Variants in VWA8 observed in about 807,000 individuals in gnomAD.
The protein encoded by VWA8 is von Willebrand factor A domain-containing protein 8.
A neutral mutation model predicts 241.5 loss-of-function variants in VWA8; 221 were observed. The observed-to-expected ratio is 0.91, with a 90% CI of 0.82 to 1.02. The LOEUF is 1.02. Ranked by LOEUF, VWA8 falls within the 50% of genes least tolerant of loss-of-function variation. The pLI is 0.00. For missense variants in VWA8, 2,322 were observed against 2,328.7 expected, an observed-to-expected ratio of 1.00 and a Z score of 0.06; for synonymous variants, 852 against 827.1, an observed-to-expected ratio of 1.03 and a Z score of -0.52.
intron 19 of VWA8, among the ~76,000 whole-genome samples, chr13:41,778,918 T>A (rs866219692): frequency 7.3e-6 from 1 of 136,674 alleles, no homozygotes; most frequent in African/African-American, 2.7e-5. Flanking sequence ...CTCGGCTCAC[T>A]GCAAGCTCCG....
intron 21 of VWA8, among the ~76,000 whole-genome samples, chr13:41,736,314 C>G (rs2045524429): frequency 6.6e-6 from 1 of 152,130 alleles, no homozygotes; most frequent in Non-Finnish European, 1.5e-5. Context: ...GTACTAAACT[C>G]TATTCTTAAC....
chr13:41,851,127 C>G (rs542672486), intron 12 of VWA8, among the ~76,000 whole-genome samples: 11 of 152,246 alleles, frequency 7.2e-5, no homozygotes, highest in African/African-American at 2.6e-4. Flanking sequence ...CTTATTCATT[C>G]TGCTTAACTG....
intron 4 of VWA8, among the ~76,000 whole-genome samples, chr13:41,898,937 GC>G (rs1368442995): frequency 1.3e-5 from 2 of 152,200 alleles, no homozygotes; most frequent in Non-Finnish European, 2.9e-5. Flanking sequence ...GCCGCGCGCA[GC>G]CCCGATTCCC....
At chr13:41,812,561 A>G (rs1870517131) in intron 16 of VWA8, among the ~76,000 whole-genome samples, 1 of 152,170 alleles carries the variant, frequency 6.6e-6, no homozygotes, top group African/African-American at 2.4e-5. Flanking sequence ...GACACACTGC[A>G]CATTTGCTTG....
intron 22 of VWA8, among the ~76,000 whole-genome samples, chr13:41,731,381 T>A (rs1164981184): frequency 6.6e-6 from 1 of 152,104 alleles, no homozygotes; most frequent in Non-Finnish European, 1.5e-5. Context: ...TAGAACCATT[T>A]AAAAAAACTT....
At chr13:41,679,830 G>A (rs1160816752) in intron 35 of VWA8, among the ~76,000 whole-genome samples, 1 of 152,060 alleles carries the variant, frequency 6.6e-6, no homozygotes, top group African/African-American at 2.4e-5. Context: ...AGAACAAACA[G>A]CCCTGCTTTA....
At chr13:41,589,567 G>A (rs2044441321) in intron 41 of VWA8, among the ~76,000 whole-genome samples, 2 of 152,064 alleles carry the variant, frequency 1.3e-5, no homozygotes, top group African/African-American at 4.8e-5. Context: ...CAGCATCAAG[G>A]TCTCACTGAC....
intron 2 of VWA8, among the ~76,000 whole-genome samples, chr13:41,918,878 G>C (rs931810825): frequency 6.6e-6 from 1 of 151,960 alleles, no homozygotes; most frequent in Non-Finnish European, 1.5e-5. Context: ...GCCATACAAA[G>C]TGTGTTCTCC....
In VWA8 at chr13:41,691,403, G is replaced by A. The variant is rs1468050486; in HGVS notation, c.3783C>T (p.His1261=). The A allele has an allele frequency of 2.1e-5, 34 of 1,612,654 alleles. No homozygotes were observed. The highest frequency in any genetic ancestry group is 2.6e-5 in the Non-Finnish European group (31 of 1,179,078). The change falls in exon 32 of 45, where the codon CAC becomes CAT. Residue 1261 remains histidine (H), a synonymous_variant. Transcript: ENST00000379310. ...TVLDVLEGRT[H]TISLPINLKT... is the part of the protein sequence containing the mutation. Reference sequence around the variant, plus strand: ...TGAGGTTGATGGGAAGTGAGATGGTGTGAGTTCGCCCTTCTAGAACATCCA... The same window carrying A: ...TGAGGTTGATGGGAAGTGAGATGGTATGAGTTCGCCCTTCTAGAACATCCA...
At chr13:41,684,448 A>G (rs1256738911) in intron 35 of VWA8, among the ~76,000 whole-genome samples, 1 of 152,160 alleles carries the variant, frequency 6.6e-6, no homozygotes, top group Non-Finnish European at 1.5e-5. Flanking sequence ...ACTTGGGATT[A>G]GAAGATTGTG....
intron 29 of VWA8, among the ~76,000 whole-genome samples, 170 bp downstream of exon 29, chr13:41,698,901 G>A (rs1225393349): frequency 2.0e-5 from 3 of 152,170 alleles, no homozygotes; most frequent in Non-Finnish European, 4.4e-5. Flanking sequence ...CTAGAGAAAA[G>A]AAGATATTAG....
At chr13:41,905,722 G>T (rs1346041202) in intron 4 of VWA8, among the ~76,000 whole-genome samples, 1 of 151,982 alleles carries the variant, frequency 6.6e-6, no homozygotes, top group Non-Finnish European at 1.5e-5. Flanking sequence ...CAGTCTGATT[G>T]TTAATGTTAA....
chr13:41,672,203 G>A (rs2045030595), intron 36 of VWA8, among the ~76,000 whole-genome samples: 1 of 152,090 alleles, frequency 6.6e-6, no homozygotes. Context: ...TGCCTTTTCT[G>A]ACTTAGAAAG....
At chr13:41,735,917 G>A (rs1415276367) in intron 21 of VWA8, among the ~76,000 whole-genome samples, 2 of 152,050 alleles carry the variant, frequency 1.3e-5, no homozygotes, top group Non-Finnish European at 2.9e-5. Context: ...GCATTTATGA[G>A]CAACTTGGAT....
chr13:41,875,637 T>C (rs1873861991), intron 9 of VWA8, among the ~76,000 whole-genome samples: 1 of 152,092 alleles, frequency 6.6e-6, no homozygotes, highest in Non-Finnish European at 1.5e-5. Flanking sequence ...ATTAAATAAA[T>C]TAGTTTTCTT....
chr13:41,871,526 A>G (rs988458022), intron 9 of VWA8, among the ~76,000 whole-genome samples: 1 of 152,080 alleles, frequency 6.6e-6, no homozygotes, highest in Non-Finnish European at 1.5e-5. Context: ...TCATTGTTCC[A>G]TTCCCACCTA....
At chr13:41,621,332 A>T (rs2044655740) in intron 37 of VWA8, among the ~76,000 whole-genome samples, 1 of 152,166 alleles carries the variant, frequency 6.6e-6, no homozygotes, top group Non-Finnish European at 1.5e-5. Context: ...GGTGTATTAA[A>T]CACATTTTCA....
At chr13:41,756,092 A>G (rs1246762936) in intron 21 of VWA8, among the ~76,000 whole-genome samples, 1 of 151,810 alleles carries the variant, frequency 6.6e-6, no homozygotes. Context: ...TTGAGAAGGC[A>G]AACAGCAAAT....
intron 37 of VWA8, among the ~76,000 whole-genome samples, chr13:41,616,526 A>T (rs2044621071): frequency 6.6e-6 from 1 of 152,206 alleles, no homozygotes; most frequent in South Asian, 2.1e-4. Flanking sequence ...ATACTTTCCC[A>T]AAAACTTGCC....
Sources: allele counts gnomAD v4.1 joint callset (sites outside exome capture counted in the v4.1 genomes callset), GRCh38; gene constraint gnomAD v4.1.1; transcripts MANE v1.5; gene names NCBI Gene and HGNC (gene_info 2026-07-23, HGNC 2026-07-21).